FGF11: variants seen among roughly 807,000 people sequenced by gnomAD.
FGF11 encodes fibroblast growth factor homologous factor 3.
Under a neutral mutation model 25.1 loss-of-function variants are expected in FGF11, and 25 were observed. The ratio of observed to expected loss-of-function variants is 1.00; its 90% CI spans 0.73 to 1.39. The LOEUF (loss-of-function observed/expected upper bound fraction) is 1.39. Among genes scored for constraint, FGF11 ranks in the 40% most tolerant of loss-of-function variants. The pLI, the probability that FGF11 is intolerant of heterozygous loss-of-function variation, is 0.00. For synonymous variants in FGF11, 130 were observed against 128.9 expected (o/e 1.01, Z -0.06); for missense variants, 320 against 311.0 (o/e 1.03, Z -0.22).
chr17:7,443,409 A>C lies in FGF11; in HGVS notation c.*263A>C. On this transcript the variant is annotated 3_prime_UTR_variant, in exon 5 of 5. Coordinates refer to ENST00000293829, the MANE Select transcript of FGF11 (RefSeq NM_004112.4). ...TGGCTGATCACTTCTTTCTTTCCACACTCACACAACGCCATGCCTTTTCCT... is the reference window on the plus strand; with the variant it reads ...TGGCTGATCACTTCTTTCTTTCCACCCTCACACAACGCCATGCCTTTTCCT... 4 of 424,204 alleles carry C rather than the reference A, an allele frequency of 9.4e-6. No homozygotes were observed. Among genetic ancestry groups the C allele is most frequent in the East Asian group, 3.7e-5 (1 of 27,286 alleles). The allele number at this position is 424,204 out of a possible 1,614,324, so 26.3% of individuals were successfully genotyped here. A position where few individuals can be genotyped will look rare whatever the true frequency, so the allele number is the denominator to read the frequency against.
At position 7,439,725 on chromosome 17, in the gene FGF11, C is replaced by T. The variant is rs770293319; in HGVS notation, c.105C>T (p.Thr35=). 8.3e-6 allele frequency: 13 copies of T among 1,573,912 alleles called. No individual in the cohort carries two copies. The highest frequency in any genetic ancestry group is 1.4e-5 in the African/African-American group (1 of 71,440). ...SAQRRVCPRG[T]KSLCQKQLLI... ...AGCGGCGCGTGTGTCCCCGCGGCACCAAGTCCCTTTGCCAGAAGCAGCTCC... is the reference window on the plus strand; with the variant it reads ...AGCGGCGCGTGTGTCCCCGCGGCACTAAGTCCCTTTGCCAGAAGCAGCTCC... The change falls in exon 1 of 5, where the codon ACC becomes ACT. Residue 35 remains threonine (T), a synonymous_variant. Coordinates refer to ENST00000293829, the MANE Select transcript of FGF11 (RefSeq NM_004112.4).
At position 7,443,175 on chromosome 17, in the gene FGF11, G is replaced by C; in HGVS notation, c.*29G>C. 1.4e-6 allele frequency: 2 copies of C among 1,440,638 alleles called. No individual in the cohort carries two copies. Among genetic ancestry groups the C allele is most frequent in the Non-Finnish European group, 1.9e-6 (2 of 1,031,392 alleles). The allele number at this position is 1,440,638 out of a possible 1,614,324, so 89.2% of individuals were successfully genotyped here. ...GTAGTCCCTGGACTGGAGGTTCCCT[G>C]CACTCCCAGTGAGCCAGCCACCACC... On this transcript the variant is annotated 3_prime_UTR_variant, in exon 5 of 5. Transcript: ENST00000293829.
intron 3 of FGF11, chr17:7,442,264 A>T (rs1222187463): frequency 2.8e-6 from 1 of 358,616 alleles, no homozygotes; most frequent in African/African-American, 2.1e-5. Context: ...CTAAAAGTCT[A>T]GTTCTTTTTT....
chr17:7,442,883 A>G, intron 4 of FGF11, 91 bp downstream of exon 4: 1 of 1,386,182 alleles, frequency 7.2e-7, no homozygotes, highest in Non-Finnish European at 1.0e-6. Flanking sequence ...GCTACAAGTG[A>G]TAAGAGGACC....
rs1908328017 is a variant in FGF11, at chr17:7,441,583, TGA to T, written c.304+6_304+7del. ...CCCCAGAGGATACCAGCTCCTTCAG[TGA>T]GAGGGGAAGCTGGCTGCAGGGTGGG... On this transcript the variant is annotated splice_donor_region_variant and intron_variant, in intron 2 of 4. Transcript: ENST00000293829. The T allele has an allele frequency of 1.9e-6, 3 of 1,614,032 alleles. No homozygotes were observed. In the East Asian group the frequency reaches 6.7e-5, roughly 36 times the overall value.
chr17:7,441,070 A>G (rs973091923), intron 1 of FGF11: 15 of 585,104 alleles, frequency 2.6e-5, no homozygotes, highest in Non-Finnish European at 3.0e-5. Flanking sequence ...CCTGTGGTCA[A>G]TTTGCTGCTG....
Position 7,441,551 on chromosome 17 carries a change from C to A in FGF11, c.274C>A (p.Gln92Lys), listed in dbSNP as rs779420311. 2 of 1,614,084 alleles carry A rather than the reference C, an allele frequency of 1.2e-6. No homozygotes were observed. Among genetic ancestry groups the A allele is most frequent in the African/African-American group, 2.7e-5 (2 of 74,924 alleles). ...YLQANPDGSI[Q>K]GTPEDTSSFT... ...CCAGGCGAATCCCGACGGAAGCATC[C>A]AGGGCACCCCAGAGGATACCAGCTC... Residue 92 changes from glutamine to lysine, a missense_variant, in exon 2 of 5, where the codon CAG becomes AAG. Transcript: ENST00000293829.
In FGF11 at chr17:7,439,698, G is replaced by C. The variant is rs1289482993; in HGVS notation, c.78G>C (p.Ala26=). The C allele has an allele frequency of 1.9e-6, 3 of 1,561,324 alleles. No homozygotes were observed. The highest frequency in any genetic ancestry group is 1.7e-6 in the Non-Finnish European group (2 of 1,159,492). ...REPGGSRPVS[A]QRRVCPRGTK... is the part of the protein sequence containing the mutation. ...CCGGGGGCAGCCGGCCGGTGTCGGC[G>C]CAGCGGCGCGTGTGTCCCCGCGGCA... The change falls in exon 1 of 5, where the codon GCG becomes GCC. Residue 26 remains alanine, a synonymous_variant. Coordinates refer to ENST00000293829, the MANE Select transcript of FGF11 (RefSeq NM_004112.4).
chr17:7,438,498 G>A, upstream of FGF11: 1 of 153,234 alleles, frequency 6.5e-6, no homozygotes, highest in Non-Finnish European at 1.5e-5. Context: ...CGAAGCCAGC[G>A]CCACCCGTCG....
At chr17:7,441,428 G>A (rs770534813) in intron 1 of FGF11, 43 bp from the exon 2 acceptor site, 5 of 1,611,692 alleles carry the variant, frequency 3.1e-6, no homozygotes, top group Admixed American at 3.3e-5. Context: ...ATGTTTCTGG[G>A]AACGGAGATG....
intron 2 of FGF11, 80 bp from the exon 3 acceptor site, chr17:7,441,693 AGGG>A: frequency 6.4e-7 from 1 of 1,571,854 alleles, no homozygotes; most frequent in Admixed American, 1.7e-5. Flanking sequence ...CTGACCTCTA[AGGG>A]AAAAAGTGGA....
At chr17:7,441,734 G>T in intron 2 of FGF11, 42 bp from the exon 3 acceptor site, 1 of 1,568,836 alleles carries the variant, frequency 6.4e-7, no homozygotes, top group Non-Finnish European at 8.7e-7. Context: ...TCAGGTGAGG[G>T]TCAGAGGCCT....
Position 7,440,544 on chromosome 17 carries a change from G to T in FGF11, c.193+731G>T. ...TCGGGGGTCGTACCACCTACAAGGG[G>T]GGACAGGGAAGTCGGCAGAGAGCAA... On this transcript the variant is annotated intron_variant, in intron 1 of 4. Transcript: ENST00000293829. The surrounding 1 kb of genome is among the most constrained non-coding windows in gnomAD (Gnocchi z 5.4). 3 of 520,694 alleles carry T rather than the reference G, an allele frequency of 5.8e-6. No individual in the cohort carries two copies. Among genetic ancestry groups the T allele is most frequent in the Non-Finnish European group, 7.4e-6 (3 of 405,152 alleles). The allele number at this position is 520,694 out of a possible 1,614,324, so 32.3% of individuals were successfully genotyped here.
chr17:7,439,466 G>T (rs865906808), upstream of FGF11: 121 of 343,504 alleles, frequency 3.5e-4, no homozygotes, highest in Middle Eastern at 2.5e-3. Context: ...GGGTACGTGA[G>T]GGGGGGGGTC....
Position 7,443,235 on chromosome 17 carries a change from T to G in FGF11, c.*89T>G, listed in dbSNP as rs1272200450. The G allele has an allele frequency of 1.2e-6, 1 of 830,344 alleles. No homozygotes were observed. The highest frequency in any genetic ancestry group is 2.0e-6 in the Non-Finnish European group (1 of 510,048). The allele number at this position is 830,344 out of a possible 1,614,324, so 51.4% of individuals were successfully genotyped here. A position where few individuals can be genotyped will look rare whatever the true frequency, so the allele number is the denominator to read the frequency against. ...CTCCCAGTCCTGCTCTCACCCCTGCTGCCACACACATGCCCTGAGCAGCCA... is the reference window on the plus strand; with the variant it reads ...CTCCCAGTCCTGCTCTCACCCCTGCGGCCACACACATGCCCTGAGCAGCCA... On this transcript the variant is annotated 3_prime_UTR_variant, in exon 5 of 5. Transcript: ENST00000293829.
intron 1 of FGF11, 100 bp from the exon 2 acceptor site, chr17:7,441,371 C>T: frequency 1.3e-6 from 2 of 1,514,476 alleles, no homozygotes; most frequent in Non-Finnish European, 8.9e-7. Context: ...GACCCTCTTC[C>T]TTCCTTTCAT....
Position 7,440,857 on chromosome 17 carries a change from G to C in FGF11, c.194-614G>C. 3 of 989,018 alleles carry C rather than the reference G, an allele frequency of 3.0e-6. No homozygotes were observed. Among genetic ancestry groups the C allele is most frequent in the Non-Finnish European group, 3.6e-6 (3 of 832,180 alleles). The allele number at this position is 989,018 out of a possible 1,614,324, so 61.3% of individuals were successfully genotyped here. A position where few individuals can be genotyped will look rare whatever the true frequency, so the allele number is the denominator to read the frequency against. On this transcript the variant is annotated intron_variant, in intron 1 of 4. Transcript: ENST00000293829. The surrounding 1 kb of genome is among the most constrained non-coding windows in gnomAD (Gnocchi z 5.4). ...CCCCAGGCGAGTTACCTGGCCGAAGGGGAGAGGCTGAGCCTCAGGGAGAAC... is the reference window on the plus strand; with the variant it reads ...CCCCAGGCGAGTTACCTGGCCGAAGCGGAGAGGCTGAGCCTCAGGGAGAAC...
chr17:7,440,288 C>T lies in FGF11; in HGVS notation c.193+475C>T, dbSNP rs924969695. On this transcript the variant is annotated intron_variant, in intron 1 of 4. Coordinates refer to ENST00000293829, the MANE Select transcript of FGF11 (RefSeq NM_004112.4). The surrounding 1 kb of genome is among the most constrained non-coding windows in gnomAD (Gnocchi z 5.4). Reference sequence around the variant, plus strand: ...ACGCCTGGGCTCGGTTCCTCCTGGTCGAGCTCTGCTGGCTCCGAGCCAATC... The same window carrying T: ...ACGCCTGGGCTCGGTTCCTCCTGGTTGAGCTCTGCTGGCTCCGAGCCAATC... 6.5e-6 allele frequency: 1 copy of T among 152,856 alleles called. No individual in the cohort carries two copies. The highest frequency in any genetic ancestry group is 2.0e-4 in the East Asian group (1 of 4,946). The allele number at this position is 152,856 out of a possible 1,614,324, so 9.5% of individuals were successfully genotyped here. A position where few individuals can be genotyped will look rare whatever the true frequency, so the allele number is the denominator to read the frequency against.
rs1044380278 is a variant in FGF11, at chr17:7,441,107, G to T, written c.194-364G>T. 8 of 322,846 alleles carry T rather than the reference G, an allele frequency of 2.5e-5. No individual in the cohort carries two copies. The Admixed American group carries it at 3.9e-4, about 16-fold the overall frequency. The allele number at this position is 322,846 out of a possible 1,614,324, so 20.0% of individuals were successfully genotyped here. On this transcript the variant is annotated intron_variant, in intron 1 of 4. Transcript: ENST00000293829. ...CAAGATCCCCCACCTTCGCAAACAC[G>T]CTGCCCCTTCAGTACCCCTGCTGGT...
Sources: gnomAD v4.1 joint callset for allele counts on GRCh38, gnomAD v4.1.1 for gene constraint, Gnocchi (gnomAD v3.1) non-coding constraint, MANE v1.5 for transcripts, NCBI Gene and HGNC (gene_info 2026-07-23, HGNC 2026-07-21) for gene names.